Variants in GUCA2A observed in about 807,000 individuals in gnomAD.
The protein encoded by GUCA2A is guanylate cyclase activator 2A.
In GUCA2A, 17 loss-of-function variants were observed where a neutral mutation model predicts 11.2. That is an observed-to-expected ratio of 1.52 (90% CI 1.04 to 2.28). The LOEUF is 2.28. Among genes scored for constraint, GUCA2A ranks in the 30% most tolerant of loss-of-function variants. The pLI, the probability that GUCA2A is intolerant of heterozygous loss-of-function variation, is 0.00. For synonymous variants in GUCA2A, 64 were observed against 57.1 expected, an observed-to-expected ratio of 1.12 and a Z score of -0.54; for missense variants, 173 against 139.3, an observed-to-expected ratio of 1.24 and a Z score of -1.22.
chr1:42,164,100 C>T (rs564093730), intron 1 of GUCA2A, among the ~76,000 whole-genome samples: 1 of 152,356 alleles, frequency 6.6e-6, no homozygotes, highest in Admixed American at 6.5e-5. Context: ...GAGATCAGGG[C>T]CCCCGCTAGG....
Position 42,163,602 on chromosome 1 carries a change from A to C in GUCA2A, c.84T>G (p.Asn28Lys). The change falls in exon 2 of 3, where the codon AAT becomes AAG. Residue 28 changes from asparagine (N) to lysine (K), a missense_variant. By Grantham distance (94) the Asn-to-Lys change is moderately conservative. Transcript: ENST00000357001. ...LAGGVTVQDG[N>K]FSFSLESVKK... ...TCACTGACTCCAGAGAAAAGGAGAA[A>C]TTTCCATCCTGGAAGAGAGAAGCCC... The C allele has an allele frequency of 6.2e-7, 1 of 1,609,960 alleles. No homozygotes were observed. Among genetic ancestry groups the C allele is most frequent in the Non-Finnish European group, 8.5e-7 (1 of 1,177,312 alleles).
At chr1:42,164,489 C>T in intron 1 of GUCA2A, 149 bp downstream of exon 1, 1 of 607,524 alleles carries the variant, frequency 1.6e-6, no homozygotes. Context: ...GTGTGTGTGG[C>T]TGGACTGAGC....
At position 42,163,391 on chromosome 1, in the gene GUCA2A, G is replaced by A; in HGVS notation, c.283+12C>T. On this transcript the variant is annotated intron_variant, in intron 2 of 2. Coordinates refer to ENST00000357001, the MANE Select transcript of GUCA2A (RefSeq NM_033553.3). ...CGAACCCCACCAATCAGAGAGGAAG[G>A]AGGCTGCTCACCCAGCCTCTGAAGT... 6.4e-7 allele frequency: 1 copy of A among 1,559,706 alleles called. No individual in the cohort carries two copies. The highest frequency in any genetic ancestry group is 8.8e-7 in the Non-Finnish European group (1 of 1,130,596).
At position 42,163,471 on chromosome 1, in the gene GUCA2A, G is replaced by T. The variant is rs777142457; in HGVS notation, c.215C>A (p.Pro72Gln). Residue 72 changes from proline (P) to glutamine (Q), a missense_variant, in exon 2 of 3, where the codon CCG (proline) becomes CAG (glutamine). Physicochemically the swap from Pro to Gln is moderately conservative, Grantham distance 76. Transcript: ENST00000357001. The part of the protein sequence containing the change: ...EPVVPILCSN[P>Q]NFPEELKPLC... ...AGGCTTGAGTTCTTCTGGAAAGTTC[G>T]GGTTGCTACAGAGGATGGGAACCAC... 1.9e-6 allele frequency: 3 copies of T among 1,613,904 alleles called. No homozygotes were observed. The highest frequency in any genetic ancestry group is 1.7e-5 in the Admixed American group (1 of 60,020).
chr1:42,163,635 G>A (rs1455885367), intron 1 of GUCA2A, 25 bp from the exon 2 acceptor site: 2 of 1,529,104 alleles, frequency 1.3e-6, no homozygotes, highest in African/African-American at 2.7e-5. Context: ...CCCAGAGCAT[G>A]AGGCCAGGCT....
upstream of GUCA2A, chr1:42,164,745 TGGATGCCAGGG>T (rs1646145521): frequency 1.5e-6 from 2 of 1,350,894 alleles, no homozygotes; most frequent in South Asian, 2.5e-5. Flanking sequence ...GTGGCTGTTC[TGGATGCCAGGG>T]GGAAGCGGCG....
intron 2 of GUCA2A, 101 bp downstream of exon 2, chr1:42,163,302 A>G: frequency 1.3e-6 from 1 of 770,636 alleles, no homozygotes; most frequent in South Asian, 1.7e-5. Flanking sequence ...GTCAGAGCTG[A>G]GCCCTTCCTC....
Position 42,162,960 on chromosome 1 carries a change from A to G in GUCA2A, c.294T>C (p.Ala98=). ...QEILQRLEEI[A]EDPGTCEICA... is the part of the protein sequence containing the mutation. ...AGATTTCACATGTGCCCGGGTCCTC[A>G]GCGATTTCCTCTGCACAACAGAGAT... The change falls in exon 3 of 3, where the codon GCT becomes GCC. Residue 98 remains alanine, a synonymous_variant. Coordinates refer to ENST00000357001, the MANE Select transcript of GUCA2A (RefSeq NM_033553.3). 3.1e-6 allele frequency: 5 copies of G among 1,613,648 alleles called. No individual in the cohort carries two copies. The highest frequency in any genetic ancestry group is 4.2e-6 in the Non-Finnish European group (5 of 1,179,592).
At chr1:42,163,088 A>G in intron 2 of GUCA2A, 118 bp from the exon 3 acceptor site, 1 of 791,678 alleles carries the variant, frequency 1.3e-6, no homozygotes, top group Non-Finnish European at 2.1e-6. Context: ...GCAGGCCCGT[A>G]CTCTGACCTA....
Position 42,164,726 on chromosome 1 carries a change from G to A in GUCA2A, c.-14C>T, listed in dbSNP as rs1427127357. The stretch of plus-strand genomic sequence containing the variant: ...GAAGGCATTCATGGCAGCAGTGCCC[G>A]AGAGAGGGGTGGCTGTTCTGGATGC... On this transcript the variant is annotated 5_prime_UTR_variant, in exon 1 of 3. Coordinates refer to ENST00000357001, the MANE Select transcript of GUCA2A (RefSeq NM_033553.3). 17 of 1,512,898 alleles carry A rather than the reference G, an allele frequency of 1.1e-5. No homozygotes were observed. The highest frequency in any genetic ancestry group is 3.6e-5 in the South Asian group (3 of 83,476). The allele number at this position is 1,512,898 out of a possible 1,614,324, so 93.7% of individuals were successfully genotyped here.
rs752958404 is a variant in GUCA2A, at chr1:42,163,552, G to A, written c.134C>T (p.Pro45Leu). The part of the protein sequence containing the change: ...SVKKLKDLQE[P>L]QEPRVGKLRN... ...GAGTTTCCCAACCCTGGGCTCCTGG[G>A]GCTCCTGGAGGTCTTTGAGCTTCTT... Residue 45 changes from proline to leucine, a missense_variant, in exon 2 of 3, where the codon CCC becomes CTC. By Grantham distance (98) the Pro-to-Leu change is moderately conservative. Coordinates refer to ENST00000357001, the MANE Select transcript of GUCA2A (RefSeq NM_033553.3). The A allele has an allele frequency of 1.9e-6, 3 of 1,613,568 alleles. No individual in the cohort carries two copies. The highest frequency in any genetic ancestry group is 2.5e-6 in the Non-Finnish European group (3 of 1,179,510).
intron 1 of GUCA2A, among the ~76,000 whole-genome samples, 188 bp downstream of exon 1, chr1:42,164,450 C>A (rs1055035476): frequency 6.6e-6 from 1 of 152,254 alleles, no homozygotes; most frequent in Non-Finnish European, 1.5e-5. Flanking sequence ...CACTGGGTTT[C>A]TTTCTCCTCC....
At chr1:42,163,026 C>A (rs994775826) in intron 2 of GUCA2A, 56 bp from the exon 3 acceptor site, 39 of 1,381,468 alleles carry the variant, frequency 2.8e-5, no homozygotes, top group Non-Finnish European at 3.7e-5. Flanking sequence ...GAGGCCCCTG[C>A]CGCCCTTGGC....
chr1:42,164,372 C>T (rs1646143411), intron 1 of GUCA2A, among the ~76,000 whole-genome samples: 1 of 152,186 alleles, frequency 6.6e-6, no homozygotes, highest in Non-Finnish European at 1.5e-5. Flanking sequence ...GGGAAGGAGC[C>T]GGCACATAGG....
intron 1 of GUCA2A, among the ~76,000 whole-genome samples, chr1:42,164,255 C>T (rs951683393): frequency 2.0e-5 from 3 of 152,320 alleles, no homozygotes; most frequent in Non-Finnish European, 2.9e-5. Context: ...CAGCCATGTG[C>T]CCATGGCCTG....
rs1224359302 is a variant in GUCA2A at position 42,164,617 on chromosome 1, G to A, written c.75+21C>T. On this transcript the variant is annotated intron_variant, in intron 1 of 2. Coordinates refer to ENST00000357001, the MANE Select transcript of GUCA2A (RefSeq NM_033553.3). ...TAGGGGCAGGGAGCCAGCTGGGCCG[G>A]GGTAGGGACACAGGACTCACCTGCA... The A allele has an allele frequency of 9.5e-6, 14 of 1,478,426 alleles. No homozygotes were observed. The Middle Eastern group carries it at 6.5e-4, about 69-fold the overall frequency. The allele number at this position is 1,478,426 out of a possible 1,614,324, so 91.6% of individuals were successfully genotyped here.
intron 2 of GUCA2A, among the ~76,000 whole-genome samples, 177 bp from the exon 3 acceptor site, chr1:42,163,147 A>C (rs916952553): frequency 6.6e-6 from 1 of 152,074 alleles, no homozygotes; most frequent in African/African-American, 2.4e-5. Flanking sequence ...CAAACCAACC[A>C]ATCAAAGCAG....
Position 42,162,923 on chromosome 1 carries a change from C to G in GUCA2A, c.331G>C (p.Ala111Pro), listed in dbSNP as rs1646135548. The G allele has an allele frequency of 6.2e-7, 1 of 1,613,470 alleles. No individual in the cohort carries two copies. The highest frequency in any genetic ancestry group is 8.5e-7 in the Non-Finnish European group (1 of 1,179,552). The change falls in exon 3 of 3, where the codon GCC becomes CCC. Residue 111 changes from alanine to proline, a missense_variant. By Grantham distance (27) the Ala-to-Pro change is conservative. Transcript: ENST00000357001. ...AAGCCCCCCTAGCATCCGGTACAGG[C>G]AGCGTAGGCACAGATTTCACATGTG... is the stretch of plus-strand genomic sequence containing the variant. ...PGTCEICAYA[A>P]CTGC
chr1:42,163,509 G>C lies in GUCA2A; in HGVS notation c.177C>G (p.Ile59Met), dbSNP rs1373495631. 1 of 1,613,428 alleles carries C rather than the reference G, an allele frequency of 6.2e-7. No individual in the cohort carries two copies. The highest frequency in any genetic ancestry group is 8.5e-7 in the Non-Finnish European group (1 of 1,179,358). Reference protein sequence around the residue: ...RVGKLRNFAPIPGEPVVPILC... With the variant: ...RVGKLRNFAPMPGEPVVPILC... The stretch of plus-strand genomic sequence containing the variant: ...GGATGGGAACCACAGGTTCACCAGG[G>C]ATGGGTGCAAAGTTCCTGAGTTTCC... The change falls in exon 2 of 3, where the codon ATC becomes ATG. Residue 59 changes from isoleucine to methionine, a missense_variant. Ile to Met is a conservative substitution (Grantham distance 10, BLOSUM62 1). Transcript: ENST00000357001.
Sources: gnomAD v4.1 joint callset for allele counts (sites outside exome capture counted in the v4.1 genomes callset) on GRCh38, gnomAD v4.1.1 for gene constraint, MANE v1.5 for transcripts, NCBI Gene and HGNC (gene_info 2026-07-23, HGNC 2026-07-21) for gene names.